The following GJC2 variants were observed in gnomAD, a reference collection of about 807,000 sequenced individuals.
The protein encoded by GJC2 is gap junction gamma-2 protein.
For synonymous variants in GJC2, 336 were observed against 307.5 expected (o/e 1.09, Z -0.97); for missense variants, 647 against 648.9 (o/e 1.00, Z 0.03).
At position 228,157,740 on chromosome 1, in the gene GJC2, G is replaced by GCCCCCCCC; in HGVS notation, c.-19_-18insCCCCCCCC. 7.5e-6 allele frequency: 5 copies of GCCCCCCCC among 662,258 alleles called. No individual in the cohort carries two copies. Among genetic ancestry groups the GCCCCCCCC allele is most frequent in the Non-Finnish European group, 1.3e-5 (5 of 378,504 alleles). The allele number at this position is 662,258 out of a possible 1,614,324, so 41.0% of individuals were successfully genotyped here. A position where few individuals can be genotyped will look rare whatever the true frequency, so the allele number is the denominator to read the frequency against. ...GGCTGACCCCTACCCCGCCCCACAGGACCCGCCCGCCCGCCCCTATGACCA... is the reference window on the plus strand; with the variant it reads ...GGCTGACCCCTACCCCGCCCCACAGGCCCCCCCCACCCGCCCGCCCGCCCCTATGACCA... On this transcript the variant is annotated splice_region_variant and 5_prime_UTR_variant, in exon 2 of 2. Coordinates refer to ENST00000366714, the MANE Select transcript of GJC2 (RefSeq NM_020435.4).
chr1:228,151,659 G>A lies in GJC2; in HGVS notation c.-20+1652G>A, dbSNP rs1272095508. 6.6e-6 allele frequency among the ~76,000 whole-genome samples: 1 copy of A among 152,094 alleles called. No homozygotes were observed. Among genetic ancestry groups the A allele is most frequent in the East Asian group, 1.9e-4 (1 of 5,166 alleles). On this transcript the variant is annotated intron_variant, in intron 1 of 1. Transcript: ENST00000366714. This position sits in a 1 kb window ranked among gnomAD's most constrained non-coding sequence, Gnocchi z 5.4. The stretch of plus-strand genomic sequence containing the variant: ...ATGTGAAGGATGCATGAGGATGGCT[G>A]GTGCCCACACCCAGTGGGGCCTACT...
At chr1:228,156,898 T>A (rs2034686312) in intron 1 of GJC2, among the ~76,000 whole-genome samples, 1 of 152,270 alleles carries the variant, frequency 6.6e-6, no homozygotes, top group African/African-American at 2.4e-5. Context: ...TCGCAGGTGC[T>A]GAGTGTGGCC....
At chr1:228,156,887 G>C (rs2034686173) in intron 1 of GJC2, among the ~76,000 whole-genome samples, 1 of 152,280 alleles carries the variant, frequency 6.6e-6, no homozygotes. Context: ...GTCTCTGAGG[G>C]TCGCAGGTGC....
Position 228,157,737 on chromosome 1 carries a change from C to T in GJC2, c.-19-3C>T. ...CCTGGCTGACCCCTACCCCGCCCCA[C>T]AGGACCCGCCCGCCCGCCCCTATGA... On this transcript the variant is annotated splice_region_variant and splice_polypyrimidine_tract_variant and intron_variant, in intron 1 of 1. Coordinates refer to ENST00000366714, the MANE Select transcript of GJC2 (RefSeq NM_020435.4). 1 of 682,658 alleles carries T rather than the reference C, an allele frequency of 1.5e-6. No homozygotes were observed. The highest frequency in any genetic ancestry group is 2.7e-6 in the Non-Finnish European group (1 of 374,188). The allele number at this position is 682,658 out of a possible 1,614,324, so 42.3% of individuals were successfully genotyped here.
At position 228,151,299 on chromosome 1, in the gene GJC2, C is replaced by T. The variant is rs929643551; in HGVS notation, c.-20+1292C>T. On this transcript the variant is annotated intron_variant, in intron 1 of 1. Transcript: ENST00000366714. This position sits in a 1 kb window ranked among gnomAD's most constrained non-coding sequence, Gnocchi z 5.4. ...CCTCCACACCACGCTCCTCAGTGTC[C>T]CCTCACTCCCCTGACATTCCTGAGC... 1.3e-5 allele frequency among the ~76,000 whole-genome samples: 2 copies of T among 152,172 alleles called. No individual in the cohort carries two copies. Among genetic ancestry groups the T allele is most frequent in the African/African-American group, 4.8e-5 (2 of 41,440 alleles).
At chr1:228,154,027 C>T (rs1466743254) in intron 1 of GJC2, among the ~76,000 whole-genome samples, 3 of 152,166 alleles carry the variant, frequency 2.0e-5, no homozygotes, top group Admixed American at 6.5e-5. Context: ...GTGCAGAGTT[C>T]TTATAGACCT....
At chr1:228,156,701 G>T (rs1001987806) in intron 1 of GJC2, among the ~76,000 whole-genome samples, 2 of 152,234 alleles carry the variant, frequency 1.3e-5, no homozygotes, top group Non-Finnish European at 2.9e-5. Flanking sequence ...GGCGGAGGGA[G>T]CTAAGGGGTC....
At position 228,159,753 on chromosome 1, in the gene GJC2, C is replaced by T. The variant is rs1486728321; in HGVS notation, c.*675C>T. ...GGGGCTCTGGGTTCCTGCCTGTGGC[C>T]TGTCTGTCCTCCTCCCTAATTCAGA... is the stretch of plus-strand genomic sequence containing the variant. On this transcript the variant is annotated 3_prime_UTR_variant, in exon 2 of 2. Coordinates refer to ENST00000366714, the MANE Select transcript of GJC2 (RefSeq NM_020435.4). The surrounding 1 kb of genome is among the most constrained non-coding windows in gnomAD (Gnocchi z 4.0). 1 of 167,324 alleles carries T rather than the reference C, an allele frequency of 6.0e-6. No homozygotes were observed. The highest frequency in any genetic ancestry group is 2.4e-5 in the African/African-American group (1 of 41,450). The allele number at this position is 167,324 out of a possible 1,614,324, so 10.4% of individuals were successfully genotyped here.
rs1277742491 is a variant in GJC2 at position 228,158,685 on chromosome 1, C to T, written c.927C>T (p.Pro309=). Residue 309 remains proline, a synonymous_variant, in exon 2 of 2, where the codon CCC becomes CCT. Transcript: ENST00000366714. This position sits in a 1 kb window ranked among gnomAD's most constrained non-coding sequence, Gnocchi z 8.3. ...GCCGCGGCCCCCCGGCCTCCGCCCC[C>T]GCCCCCGCGCCGCGGCCCCCGCCCT... ...RGRRGPPASA[P]APAPRPPPCA... The T allele has an allele frequency of 3.7e-5, 39 of 1,049,360 alleles. No homozygotes were observed. The highest frequency in any genetic ancestry group is 4.4e-5 in the Non-Finnish European group (38 of 870,992). 65.0% of individuals were successfully genotyped at this position (1,049,360 alleles called of 1,614,324 possible).
rs1490055239 is a variant in GJC2 at position 228,158,940 on chromosome 1, G to A, written c.1182G>A (p.Thr394=). The A allele has an allele frequency of 1.9e-6, 3 of 1,551,956 alleles. No homozygotes were observed. The highest frequency in any genetic ancestry group is 2.8e-5 in the African/African-American group (2 of 72,384). ...PPRAGAPASR[T]GSATSAGTVG... Reference sequence around the variant, plus strand: ...GAGCAGGCGCCCCCGCGTCCCGGACGGGCAGTGCTACCTCTGCGGGCACTG... The same window carrying A: ...GAGCAGGCGCCCCCGCGTCCCGGACAGGCAGTGCTACCTCTGCGGGCACTG... Residue 394 remains threonine (T), a synonymous_variant, in exon 2 of 2, where the codon ACG becomes ACA. Coordinates refer to ENST00000366714, the MANE Select transcript of GJC2 (RefSeq NM_020435.4). The surrounding 1 kb of genome is among the most constrained non-coding windows in gnomAD (Gnocchi z 8.3).
chr1:228,153,732 G>A (rs375444368), intron 1 of GJC2, among the ~76,000 whole-genome samples: 2 of 151,304 alleles, frequency 1.3e-5, no homozygotes, highest in South Asian at 2.1e-4. Context: ...ACAGGCACGC[G>A]CCACCACGCC....
chr1:228,157,748 C>A lies in GJC2; in HGVS notation c.-11C>A. Reference sequence around the variant, plus strand: ...CCTACCCCGCCCCACAGGACCCGCCCGCCCGCCCCTATGACCAACATGAGC... The same window carrying A: ...CCTACCCCGCCCCACAGGACCCGCCAGCCCGCCCCTATGACCAACATGAGC... On this transcript the variant is annotated 5_prime_UTR_variant, in exon 2 of 2. Transcript: ENST00000366714. The A allele has an allele frequency of 4.8e-5, 20 of 420,706 alleles. No homozygotes were observed. The highest frequency in any genetic ancestry group is 7.2e-5 in the Non-Finnish European group (15 of 207,756). The allele number at this position is 420,706 out of a possible 1,614,324, so 26.1% of individuals were successfully genotyped here. A position where few individuals can be genotyped will look rare whatever the true frequency, so the allele number is the denominator to read the frequency against.
At chr1:228,155,295 C>T (rs113739267) in intron 1 of GJC2, among the ~76,000 whole-genome samples, 1,749 of 152,242 alleles carry the variant, frequency 0.011, 38 homozygotes, top group African/African-American at 0.038. Flanking sequence ...TGGAGCCAGG[C>T]GTGGAATGGG....
chr1:228,152,193 C>T lies in GJC2; in HGVS notation c.-20+2186C>T, dbSNP rs1048076328. 4.0e-5 allele frequency among the ~76,000 whole-genome samples: 6 copies of T among 151,510 alleles called. No homozygotes were observed. Among genetic ancestry groups the T allele is most frequent in the Non-Finnish European group, 7.4e-5 (5 of 67,920 alleles). ...CCATGCGCTGGGGTACCATCATTTT[C>T]GGGGAAGGGAGGAGCCTGCCCCAGG... On this transcript the variant is annotated intron_variant, in intron 1 of 1. Transcript: ENST00000366714. This position sits in a 1 kb window ranked among gnomAD's most constrained non-coding sequence, Gnocchi z 7.3.
In GJC2 at chr1:228,158,146, C is replaced by G. The variant is rs1446939686; in HGVS notation, c.388C>G (p.Pro130Ala). 34 of 1,314,198 alleles carry G rather than the reference C, an allele frequency of 2.6e-5. No individual in the cohort carries two copies. Among genetic ancestry groups the G allele is most frequent in the Admixed American group, 8.3e-5 (2 of 24,224 alleles). 81.4% of individuals were successfully genotyped at this position (1,314,198 alleles called of 1,614,324 possible). Residue 130 changes from proline to alanine, a missense_variant, in exon 2 of 2, where the codon CCC becomes GCC. Physicochemically the swap from Pro to Ala is conservative, Grantham distance 27. Coordinates refer to ENST00000366714, the MANE Select transcript of GJC2 (RefSeq NM_020435.4). This position sits in a 1 kb window ranked among gnomAD's most constrained non-coding sequence, Gnocchi z 8.3. Reference protein sequence around the residue: ...PRRAPRAHLPPPHAGWPEPAD... With the variant: ...PRRAPRAHLPAPHAGWPEPAD... The stretch of plus-strand genomic sequence containing the variant: ...CCGCGCGCCCCGAGCGCACCTGCCG[C>G]CCCCGCACGCCGGCTGGCCTGAGCC...
At chr1:228,157,694 G>A (rs2034702527) in intron 1 of GJC2, 46 bp from the exon 2 acceptor site, 25 of 1,157,964 alleles carry the variant, frequency 2.2e-5, no homozygotes, top group Non-Finnish European at 3.1e-5. Context: ...GAGCGCCGCG[G>A]GCTCCTAAGT....
In GJC2 at chr1:228,150,687, T is replaced by C. The variant is rs1571903996; in HGVS notation, c.-20+680T>C. ...GAGGAGGGGGAGGCCCACACCCCTC[T>C]GGGAGGGCGGAGCACCCCAGGGCTG... On this transcript the variant is annotated intron_variant, in intron 1 of 1. Transcript: ENST00000366714. The surrounding 1 kb of genome is among the most constrained non-coding windows in gnomAD (Gnocchi z 4.6). 1.3e-5 allele frequency among the ~76,000 whole-genome samples: 2 copies of C among 152,006 alleles called. No individual in the cohort carries two copies. Among genetic ancestry groups the C allele is most frequent in the African/African-American group, 4.8e-5 (2 of 41,404 alleles).
At chr1:228,157,483 C>A (rs1385842748) in intron 1 of GJC2, among the ~76,000 whole-genome samples, 1 of 152,120 alleles carries the variant, frequency 6.6e-6, no homozygotes, top group Non-Finnish European at 1.5e-5. Context: ...ACCACCAGTC[C>A]CCACACACTT....
rs1304428075 is a variant in GJC2 at position 228,152,168 on chromosome 1, C to A, written c.-20+2161C>A. ...TGGACAAGCGACAGCACAGTGCCTG[C>A]CATGCGCTGGGGTACCATCATTTTC... is the stretch of plus-strand genomic sequence containing the variant. On this transcript the variant is annotated intron_variant, in intron 1 of 1. Coordinates refer to ENST00000366714, the MANE Select transcript of GJC2 (RefSeq NM_020435.4). This position sits in a 1 kb window ranked among gnomAD's most constrained non-coding sequence, Gnocchi z 7.3. 4.6e-5 allele frequency among the ~76,000 whole-genome samples: 7 copies of A among 151,910 alleles called. No homozygotes were observed. Among genetic ancestry groups the A allele is most frequent in the African/African-American group, 1.7e-4 (7 of 41,240 alleles).
Sources: gnomAD v4.1 joint callset for allele counts (sites outside exome capture counted in the v4.1 genomes callset) on GRCh38, gnomAD v4.1.1 for gene constraint, Gnocchi (gnomAD v3.1) non-coding constraint, MANE v1.5 for transcripts, NCBI Gene and HGNC (gene_info 2026-07-23, HGNC 2026-07-21) for gene names.